UNC79: variants seen among roughly 807,000 people sequenced by gnomAD.
The protein encoded by UNC79 is unc-79 subunit of NALCN channel complex.
A neutral mutation model predicts 283.1 loss-of-function variants in UNC79; 37 were observed. That is an observed-to-expected ratio of 0.13 (90% CI 0.10 to 0.17). The LOEUF is 0.17. Among genes scored for constraint, UNC79 ranks in the 10% least tolerant of loss-of-function variants. The pLI, the probability that UNC79 is intolerant of heterozygous loss-of-function variation, is 1.00. For synonymous variants in UNC79, 1,107 were observed against 1,200.2 expected, an observed-to-expected ratio of 0.92 and a Z score of 1.61; for missense variants, 2,272 against 3,211.1, an observed-to-expected ratio of 0.71 and a Z score of 7.07.
chr14:93,417,161 G>A (rs1331170148), intron 1 of UNC79, among the ~76,000 whole-genome samples: 6 of 152,052 alleles, frequency 3.9e-5, no homozygotes, highest in Admixed American at 2.6e-4. Context: ...GGCTGGTACC[G>A]GTTGTTCCTT....
chr14:93,368,410 G>C (rs1474879700), intron 1 of UNC79, among the ~76,000 whole-genome samples: 1 of 152,072 alleles, frequency 6.6e-6, no homozygotes, highest in African/African-American at 2.4e-5. Context: ...GTGGGGAGAA[G>C]GCATTTTTAC....
At chr14:93,615,659 T>C (rs2066647949) in intron 27 of UNC79, among the ~76,000 whole-genome samples, 1 of 131,476 alleles carries the variant, frequency 7.6e-6, no homozygotes. Flanking sequence ...GAGGTAGAGT[T>C]GCAGTGAGCC....
At chr14:93,623,703 G>A (rs2067315198) in intron 30 of UNC79, among the ~76,000 whole-genome samples, 1 of 152,094 alleles carries the variant, frequency 6.6e-6, no homozygotes, top group Non-Finnish European at 1.5e-5. Context: ...GACCATCCTG[G>A]CCAACATAGT....
chr14:93,663,014 G>A (rs545457104), intron 40 of UNC79, among the ~76,000 whole-genome samples: 23 of 152,298 alleles, frequency 1.5e-4, no homozygotes, highest in African/African-American at 4.8e-4. Context: ...TGGTTGACAT[G>A]ACCTCTTAAG....
intron 13 of UNC79, among the ~76,000 whole-genome samples, chr14:93,541,493 G>A (rs1028400478): frequency 6.6e-6 from 1 of 152,146 alleles, no homozygotes; most frequent in Admixed American, 6.5e-5. Context: ...TATTGTGCTT[G>A]CATATAGTTC....
rs142924602 is a variant in UNC79 at position 93,596,947 on chromosome 14, A to G, written c.3191-412A>G. On this transcript the variant is annotated intron_variant, in intron 23 of 48. Transcript: ENST00000555664. ...AGAGTAGAGCAGGGGACCAGAACCC[A>G]GAGCCAGTACTGGTGGGCACCTCCT... is the stretch of plus-strand genomic sequence containing the variant. Among the ~76,000 whole-genome samples, 252 of 152,340 alleles carry G rather than the reference A, an allele frequency of 1.7e-3. 2 individuals carry two copies. In the East Asian group the frequency reaches 0.03, roughly 18 times the overall value.
intron 7 of UNC79, among the ~76,000 whole-genome samples, chr14:93,509,111 G>T (rs2140830216): frequency 6.6e-6 from 1 of 152,288 alleles, no homozygotes; most frequent in South Asian, 2.1e-4. Flanking sequence ...CACATGGCTG[G>T]TGGGGGAAGT....
upstream of UNC79, among the ~76,000 whole-genome samples, chr14:93,426,436 T>A (rs1041984396): frequency 5.3e-5 from 8 of 150,500 alleles, no homozygotes; most frequent in African/African-American, 1.9e-4. Flanking sequence ...TTAAATATTT[T>A]AAAATAATAT....
chr14:93,347,193 G>T, intron 1 of UNC79: 1 of 1,483,874 alleles, frequency 6.7e-7, no homozygotes, highest in South Asian at 1.3e-5. Context: ...GCTGCCTCAC[G>T]AGCACTGGAG....
rs1229909876 is a variant in UNC79 at position 93,404,513 on chromosome 14, T to TATATAA, written c.-350-63157_-350-63156insTATAAA. 1.1e-3 allele frequency among the ~76,000 whole-genome samples: 127 copies of TATATAA among 113,274 alleles called. 6 individuals are homozygous for TATATAA. Among genetic ancestry groups the TATATAA allele is most frequent in the Middle Eastern group, 4.9e-3 (1 of 204 alleles). 74.3% of individuals were successfully genotyped at this position (113,274 alleles called of 152,430 possible). A position where few individuals can be genotyped will look rare whatever the true frequency, so the allele number is the denominator to read the frequency against. The stretch of plus-strand genomic sequence containing the variant: ...AAAAAAATATATATATATATATATA[T>TATATAA]AAATATATACATATTATATATTATT... On this transcript the variant is annotated intron_variant, in intron 1 of 49. Transcript: ENST00000256339.
chr14:93,403,901 C>G (rs773659794), intron 1 of UNC79, among the ~76,000 whole-genome samples: 1 of 147,948 alleles, frequency 6.8e-6, no homozygotes. Flanking sequence ...ATGGAGTGAG[C>G]TAGACTCTTA....
chr14:93,557,836 A>T (rs967180118), intron 14 of UNC79, among the ~76,000 whole-genome samples: 4 of 152,226 alleles, frequency 2.6e-5, no homozygotes, highest in Admixed American at 6.5e-5. Flanking sequence ...GAAGTAATCT[A>T]GAGCAGACAG....
At chr14:93,645,345 C>A (rs1255700496) in intron 34 of UNC79, among the ~76,000 whole-genome samples, 1 of 152,142 alleles carries the variant, frequency 6.6e-6, no homozygotes, top group East Asian at 1.9e-4. Flanking sequence ...TATTTACATA[C>A]ACATATATTT....
intron 1 of UNC79, among the ~76,000 whole-genome samples, chr14:93,350,278 T>C (rs2053956875): frequency 6.6e-6 from 1 of 151,974 alleles, no homozygotes; most frequent in South Asian, 2.1e-4. Context: ...TATTCAAAAG[T>C]TAAAAAAGGT....
chr14:93,422,848 C>A (rs867040450), intron 1 of UNC79, among the ~76,000 whole-genome samples: 1 of 151,760 alleles, frequency 6.6e-6, no homozygotes, highest in African/African-American at 2.4e-5. Context: ...ATCATGAGGT[C>A]AGGAGACTGA....
chr14:93,580,434 C>G lies in UNC79; in HGVS notation c.2661+58C>G, dbSNP rs567460630. On this transcript the variant is annotated intron_variant, in intron 19 of 48. Coordinates refer to ENST00000555664, the Ensembl canonical transcript of UNC79. ...ATAATAGCATTAAAGACTGCAGTAG[C>G]TGATGTAATGGAGTCTTCCTCCAGC... 7.0e-5 allele frequency: 105 copies of G among 1,491,640 alleles called. 1 individual carries two copies. The South Asian group carries it at 1.1e-3, about 16-fold the overall frequency. The allele number at this position is 1,491,640 out of a possible 1,614,324, so 92.4% of individuals were successfully genotyped here. A position where few individuals can be genotyped will look rare whatever the true frequency, so the allele number is the denominator to read the frequency against.
intron 1 of UNC79, among the ~76,000 whole-genome samples, chr14:93,460,479 C>T (rs1397280093): frequency 1.5e-5 from 2 of 137,554 alleles, no homozygotes; most frequent in Admixed American, 7.9e-5. Context: ...CACTGCACTT[C>T]AGCCTGGGCA....
At chr14:93,560,357 T>G (rs2062468061) in intron 14 of UNC79, among the ~76,000 whole-genome samples, 1 of 152,022 alleles carries the variant, frequency 6.6e-6, no homozygotes, top group African/African-American at 2.4e-5. Flanking sequence ...AGAGTCCTCC[T>G]TTTTCAGCAG....
chr14:93,567,318 C>G (rs189255343), intron 14 of UNC79, among the ~76,000 whole-genome samples: 1 of 152,318 alleles, frequency 6.6e-6, no homozygotes, highest in Non-Finnish European at 1.5e-5. Flanking sequence ...CTCCGCCTCC[C>G]AGGTTCAAGC....
Sources: gnomAD v4.1 joint callset for allele counts (sites outside exome capture counted in the v4.1 genomes callset) on GRCh38, gnomAD v4.1.1 for gene constraint, MANE v1.5 for transcripts, NCBI Gene and HGNC (gene_info 2026-07-23, HGNC 2026-07-21) for gene names.